The following SPART variants were observed in gnomAD, a reference collection of about 807,000 sequenced individuals.
SPART encodes the protein spastic paraplegia 20 (Troyer syndrome).
In SPART, 35 loss-of-function variants were observed where a neutral mutation model predicts 58.7. The observed-to-expected ratio is 0.60, with a 90% confidence interval of 0.46 to 0.79. The LOEUF (loss-of-function observed/expected upper bound fraction) is 0.79. SPART is among the 30% of genes least tolerant of loss of function. The probability of loss-of-function intolerance (pLI) is 0.00; values close to 1 mark genes in which losing one functional copy is unlikely to be tolerated. For missense variants in SPART, 730 were observed against 786.1 expected, an observed-to-expected ratio of 0.93 and a Z score of 0.85; for synonymous variants, 284 against 280.7, an observed-to-expected ratio of 1.01 and a Z score of -0.12.
Position 36,352,941 on chromosome 13 carries a change from C to G in SPART, c.-2-17109G>C, listed in dbSNP as rs183187999. Among the ~76,000 whole-genome samples the G allele has an allele frequency of 2.4e-4, 37 of 152,214 alleles. No individual in the cohort carries two copies. In the East Asian group the frequency reaches 7.0e-3, roughly 29 times the overall value. On this transcript the variant is annotated intron_variant, in intron 1 of 8. Transcript: ENST00000355182. ...CATCTCTGCACTCCAGCCTGAGTGACAGAACCAGAACCTGTCTCAAAAATA... is the reference window on the plus strand; with the variant it reads ...CATCTCTGCACTCCAGCCTGAGTGAGAGAACCAGAACCTGTCTCAAAAATA...
Position 36,335,162 on chromosome 13 carries a change from C to A in SPART, c.669G>T (p.Leu223Phe), listed in dbSNP as rs996610077. The change falls in exon 2 of 9, where the codon TTG becomes TTT. Residue 223 changes from leucine (L) to phenylalanine (F), a missense_variant. Leu to Phe is a conservative substitution (Grantham distance 22). Coordinates refer to ENST00000438666, the MANE Select transcript of SPART (RefSeq NM_015087.5). ...AAAAAATCTGTACTCCATTTGGTAT[C>A]AAAATCAATTCATCTGCATCCAGCC... is the stretch of plus-strand genomic sequence containing the variant. ...TLGLDADELI[L>F]IPNGVQIFFV... The A allele has an allele frequency of 8.1e-6, 13 of 1,614,010 alleles. No individual in the cohort carries two copies. The highest frequency in any genetic ancestry group is 1.0e-5 in the Non-Finnish European group (12 of 1,180,018).
chr13:36,341,039 T>G (rs762011691), intron 1 of SPART, among the ~76,000 whole-genome samples: 1 of 152,144 alleles, frequency 6.6e-6, no homozygotes, highest in African/African-American at 2.4e-5. Flanking sequence ...GAGATAAAAC[T>G]TCATCTTTCT....
chr13:36,318,577 A>G (rs1881994645), intron 5 of SPART, among the ~76,000 whole-genome samples: 1 of 152,186 alleles, frequency 6.6e-6, no homozygotes, highest in Admixed American at 6.5e-5. Flanking sequence ...AAGGTGTACA[A>G]TAATAGAAAA....
At chr13:36,322,457 AAAACAAAAC>A (rs1882509280) in intron 5 of SPART, among the ~76,000 whole-genome samples, 2 of 152,300 alleles carry the variant, frequency 1.3e-5, no homozygotes, top group Non-Finnish European at 2.9e-5. Flanking sequence ...AAAACAAAAC[AAAACAAAAC>A]ACAAAAACAC....
intron 5 of SPART, among the ~76,000 whole-genome samples, chr13:36,316,594 A>C: frequency 6.6e-6 from 1 of 152,078 alleles, no homozygotes. Flanking sequence ...CTGACAGAGA[A>C]CAAACCCCCT....
chr13:36,344,918 A>G (rs1884928563), intron 1 of SPART, among the ~76,000 whole-genome samples: 1 of 152,346 alleles, frequency 6.6e-6, no homozygotes. Flanking sequence ...ACGTTCTAAT[A>G]AAACACATTT....
At position 36,314,434 on chromosome 13, in the gene SPART, A is replaced by G. The variant is rs758831452; in HGVS notation, c.1289-13T>C. The G allele has an allele frequency of 3.9e-5, 63 of 1,613,028 alleles. No homozygotes were observed. The highest frequency in any genetic ancestry group is 5.3e-5 in the Non-Finnish European group (62 of 1,179,030). On this transcript the variant is annotated splice_polypyrimidine_tract_variant and intron_variant, in intron 5 of 8. Transcript: ENST00000438666. ...ACCCAGGAAGCACCTTTTTAAAAGA[A>G]AATTTAAAATTGCACAATATTAGGG...
chr13:36,366,227 C>T (rs1684602025), intron 1 of SPART, among the ~76,000 whole-genome samples: 1 of 152,182 alleles, frequency 6.6e-6, no homozygotes, highest in African/African-American at 2.4e-5. Flanking sequence ...TCCAGCTGTG[C>T]CACACTTTAT....
intron 5 of SPART, among the ~76,000 whole-genome samples, chr13:36,318,829 T>G (rs1882025142): frequency 6.6e-6 from 1 of 152,126 alleles, no homozygotes; most frequent in South Asian, 2.1e-4. Context: ...TCAACTCACC[T>G]GGCAGCCACT....
intron 5 of SPART, among the ~76,000 whole-genome samples, chr13:36,321,541 A>G (rs1371059391): frequency 6.6e-6 from 1 of 152,086 alleles, no homozygotes; most frequent in Non-Finnish European, 1.5e-5. Flanking sequence ...ACAACCCCAC[A>G]ATATCACCCC....
At chr13:36,339,744 G>T (rs144283885) in intron 1 of SPART, among the ~76,000 whole-genome samples, 5 of 150,146 alleles carry the variant, frequency 3.3e-5, no homozygotes, top group African/African-American at 9.8e-5. Flanking sequence ...GAATTTCCTA[G>T]AATTGGAAAA....
intron 1 of SPART, among the ~76,000 whole-genome samples, chr13:36,363,089 C>G (rs376393390): frequency 5.9e-4 from 90 of 152,192 alleles, no homozygotes; most frequent in African/African-American, 2.0e-3. Context: ...TGGAAAGCCC[C>G]AAGGGACTGG....
rs905903183 is a variant in SPART at position 36,335,393 on chromosome 13, T to C, written c.438A>G (p.Ser146=). 7 of 1,613,964 alleles carry C rather than the reference T, an allele frequency of 4.3e-6. No individual in the cohort carries two copies. In the Admixed American group the frequency reaches 6.7e-5, roughly 15 times the overall value. Residue 146 remains serine (S), a synonymous_variant, in exon 2 of 9, where the codon TCA becomes TCG. Transcript: ENST00000438666. ...CAGCAACTGCCCCTGCACTTGGAGT[T>C]GAGGTGTTTCCATTTACTTCAGCAT... ...PQHAEVNGNT[S]TPSAGAVAAP...
Position 36,331,307 on chromosome 13 carries a change from A to G in SPART, c.1008+92T>C, listed in dbSNP as rs1883434150. On this transcript the variant is annotated intron_variant, in intron 3 of 8. Transcript: ENST00000438666. The stretch of plus-strand genomic sequence containing the variant: ...GTGAACTGTCAGTCTCCTAACCTTG[A>G]TTACAGTAGAGGTTATTACAATTTC... 3.7e-6 allele frequency: 4 copies of G among 1,083,114 alleles called. No individual in the cohort carries two copies. The Admixed American group carries it at 6.8e-5, about 18-fold the overall frequency. The allele number at this position is 1,083,114 out of a possible 1,614,324, so 67.1% of individuals were successfully genotyped here.
intron 1 of SPART, among the ~76,000 whole-genome samples, chr13:36,359,419 G>A (rs975126097): frequency 6.6e-6 from 1 of 152,092 alleles, no homozygotes; most frequent in South Asian, 2.1e-4. Context: ...AAACACCTTA[G>A]AAAAAAGAGT....
chr13:36,343,155 CTATT>C (rs1355493695), intron 1 of SPART, among the ~76,000 whole-genome samples: 1 of 152,098 alleles, frequency 6.6e-6, no homozygotes, highest in Admixed American at 6.6e-5. Context: ...TTCTAATCAA[CTATT>C]TATAATAACT....
At chr13:36,357,305 C>T (rs1885659811) in intron 1 of SPART, among the ~76,000 whole-genome samples, 1 of 152,170 alleles carries the variant, frequency 6.6e-6, no homozygotes. Context: ...GGCCATCACC[C>T]ATGGGATAGT....
intron 5 of SPART, among the ~76,000 whole-genome samples, chr13:36,320,292 C>T (rs924289231): frequency 3.9e-4 from 60 of 152,298 alleles, no homozygotes; most frequent in Admixed American, 3.5e-3. Flanking sequence ...GGCCCAGACT[C>T]CAATCCGGCC....
At chr13:36,325,416 A>G (rs1882832491) in intron 5 of SPART, among the ~76,000 whole-genome samples, 1 of 152,138 alleles carries the variant, frequency 6.6e-6, no homozygotes, top group Non-Finnish European at 1.5e-5. Flanking sequence ...GTTCCTAGCA[A>G]GCTAATTATT....
Sources: allele counts gnomAD v4.1 joint callset (sites outside exome capture counted in the v4.1 genomes callset), GRCh38; gene constraint gnomAD v4.1.1; transcripts MANE v1.5; gene names NCBI Gene and HGNC (gene_info 2026-07-23, HGNC 2026-07-21).